ZBTB7C: variants seen among roughly 807,000 people sequenced by gnomAD.
The protein encoded by ZBTB7C is zinc finger and BTB domain containing 7C.
Under a neutral mutation model 25.7 loss-of-function variants are expected in ZBTB7C, and 8 were observed. The ratio of observed to expected loss-of-function variants is 0.31; its 90% CI spans 0.18 to 0.56. The LOEUF is 0.56. Among genes scored for constraint, ZBTB7C ranks in the 20% least tolerant of loss-of-function variants. ZBTB7C has a pLI of 0.91. For missense variants in ZBTB7C, 824 were observed against 855.2 expected (o/e 0.96, Z 0.46); for synonymous variants, 394 against 369.0 (o/e 1.07, Z -0.78).
At position 48,213,369 on chromosome 18, in the gene ZBTB7C, C is replaced by T. The variant is rs1014525632; in HGVS notation, c.-78-27374G>A. 7.2e-5 allele frequency among the ~76,000 whole-genome samples: 11 copies of T among 152,208 alleles called. No individual in the cohort carries two copies. The East Asian group carries it at 7.7e-4, about 11-fold the overall frequency. ...GCTGCAGAAGAACCTTTAGTGATGG[C>T]CCCAGTCACTCTTGAGCTGATGTTT... On this transcript the variant is annotated intron_variant, in intron 2 of 4. Coordinates refer to ENST00000590800, the MANE Select transcript of ZBTB7C (RefSeq NM_001318841.2).
chr18:48,310,934 C>A (rs1427690439), intron 2 of ZBTB7C, among the ~76,000 whole-genome samples: 1 of 152,220 alleles, frequency 6.6e-6, no homozygotes, highest in Non-Finnish European at 1.5e-5. Flanking sequence ...GTAACTGCCC[C>A]TCTATGTGAC....
At chr18:48,154,315 C>G (rs1248101707) in intron 3 of ZBTB7C, among the ~76,000 whole-genome samples, 1 of 152,168 alleles carries the variant, frequency 6.6e-6, no homozygotes, top group Non-Finnish European at 1.5e-5. Context: ...TGATCCAGAG[C>G]CTTAGGGATA....
At chr18:48,390,026 G>A (rs907209864) in intron 1 of ZBTB7C, among the ~76,000 whole-genome samples, 5 of 152,080 alleles carry the variant, frequency 3.3e-5, no homozygotes, top group Admixed American at 6.6e-5. Context: ...AGCTATGGCC[G>A]GCCATCCATA....
intron 2 of ZBTB7C, among the ~76,000 whole-genome samples, chr18:48,215,094 A>C (rs1201486180): frequency 1.3e-5 from 2 of 152,246 alleles, no homozygotes; most frequent in Non-Finnish European, 2.9e-5. Flanking sequence ...GATTAATGAT[A>C]AATCTCCTCC....
At chr18:48,287,948 T>A (rs527723371) in intron 2 of ZBTB7C, among the ~76,000 whole-genome samples, 1 of 152,338 alleles carries the variant, frequency 6.6e-6, no homozygotes, top group African/African-American at 2.4e-5. Flanking sequence ...GCAGCTACTA[T>A]GAAACTTAAC....
At chr18:48,039,445 C>T (rs2036117629) in intron 4 of ZBTB7C, among the ~76,000 whole-genome samples, 1 of 152,206 alleles carries the variant, frequency 6.6e-6, no homozygotes. Flanking sequence ...TAAGCATGTA[C>T]TTAAGGTGCC....
At chr18:48,213,091 G>C (rs1174746112) in intron 2 of ZBTB7C, among the ~76,000 whole-genome samples, 1 of 151,686 alleles carries the variant, frequency 6.6e-6, no homozygotes, top group African/African-American at 2.4e-5. Flanking sequence ...TTTCAGCGGG[G>C]GCAGTTCTCC....
At chr18:48,050,345 G>A (rs1017885967) in intron 3 of ZBTB7C, among the ~76,000 whole-genome samples, 2 of 152,150 alleles carry the variant, frequency 1.3e-5, no homozygotes, top group African/African-American at 4.8e-5. Context: ...CAGACATGTG[G>A]GCTGGGAGGC....
intron 3 of ZBTB7C, among the ~76,000 whole-genome samples, chr18:48,103,452 T>C (rs28649824): frequency 0.013 from 1,920 of 152,262 alleles, 49 homozygotes; most frequent in African/African-American, 0.044. Flanking sequence ...TTACACAACA[T>C]GGGTTTGAAT....
intron 3 of ZBTB7C, among the ~76,000 whole-genome samples, chr18:48,073,601 C>T (rs1040002621): frequency 4.6e-5 from 7 of 152,162 alleles, no homozygotes; most frequent in Non-Finnish European, 8.8e-5. Context: ...TGAGTTTGAA[C>T]AGGGAGAAGG....
chr18:48,163,357 T>G (rs969198557), intron 3 of ZBTB7C, among the ~76,000 whole-genome samples: 14 of 152,116 alleles, frequency 9.2e-5, no homozygotes, highest in African/African-American at 3.1e-4. Flanking sequence ...GCCCCTGAGC[T>G]CCTCCCTTCT....
chr18:48,194,234 C>G lies in ZBTB7C; in HGVS notation c.-78-8239G>C, dbSNP rs73431389. Among the ~76,000 whole-genome samples, 1,239 of 152,318 alleles carry G rather than the reference C, an allele frequency of 8.1e-3. 14 individuals carry two copies. Among genetic ancestry groups the G allele is most frequent in the African/African-American group, 0.027 (1,140 of 41,550 alleles). ...ACATTTTATTTTTTCTAGACTCAGG[C>G]AAGTACTCCTGGATTCCCCACCCTA... is the stretch of plus-strand genomic sequence containing the variant. On this transcript the variant is annotated intron_variant, in intron 2 of 4. Transcript: ENST00000590800.
rs572672791 is a variant in ZBTB7C at position 48,343,342 on chromosome 18, C to T, written c.-303-4944G>A. ...AGATTTGCCCTGTGTTTGTCCCCAC[C>T]ATGAACAGTGAGAGGAATTTGTCCC... is the stretch of plus-strand genomic sequence containing the variant. On this transcript the variant is annotated intron_variant, in intron 1 of 4. Coordinates refer to ENST00000590800, the MANE Select transcript of ZBTB7C (RefSeq NM_001318841.2). 1.9e-4 allele frequency among the ~76,000 whole-genome samples: 29 copies of T among 152,246 alleles called. 1 individual carries two copies. The highest frequency in any genetic ancestry group is 3.5e-4 in the Non-Finnish European group (24 of 68,024).
chr18:48,202,564 G>A (rs1263759896), intron 2 of ZBTB7C, among the ~76,000 whole-genome samples: 1 of 152,062 alleles, frequency 6.6e-6, no homozygotes, highest in Non-Finnish European at 1.5e-5. Context: ...AGCTAAACAT[G>A]CAAAGGAACC....
At chr18:48,196,357 C>G (rs561504732) in intron 2 of ZBTB7C, among the ~76,000 whole-genome samples, 2 of 152,158 alleles carry the variant, frequency 1.3e-5, no homozygotes, top group African/African-American at 2.4e-5. Context: ...AAGGATTTGG[C>G]AAACTAACTT....
At chr18:48,170,525 G>T (rs774154435) in intron 3 of ZBTB7C, among the ~76,000 whole-genome samples, 3 of 152,190 alleles carry the variant, frequency 2.0e-5, no homozygotes, top group African/African-American at 7.2e-5. Flanking sequence ...ACCAAACCCG[G>T]GGCAGCCTCA....
intron 3 of ZBTB7C, among the ~76,000 whole-genome samples, chr18:48,179,928 T>C (rs2041852485): frequency 7.7e-6 from 1 of 129,178 alleles, no homozygotes; most frequent in Non-Finnish European, 1.5e-5. Flanking sequence ...CTTCCTTCCT[T>C]CCCTGCTTCC....
At chr18:48,371,281 T>C (rs2047382618) in intron 1 of ZBTB7C, among the ~76,000 whole-genome samples, 1 of 152,152 alleles carries the variant, frequency 6.6e-6, no homozygotes, top group Admixed American at 6.5e-5. Flanking sequence ...TGTCCCCAGC[T>C]GAAAAAATAC....
chr18:48,368,806 A>AAAGAAAAGATTTATCCACCCAG (rs57505551), intron 1 of ZBTB7C, among the ~76,000 whole-genome samples: 1 of 151,970 alleles, frequency 6.6e-6, no homozygotes, highest in Non-Finnish European at 1.5e-5. Flanking sequence ...GTGTGAAAAG[A>AAAGAAAAGATTTATCCACCCAG]AATCCTATTT....
Sources: allele counts gnomAD v4.1 joint callset (sites outside exome capture counted in the v4.1 genomes callset), GRCh38; gene constraint gnomAD v4.1.1; transcripts MANE v1.5; gene names NCBI Gene and HGNC (gene_info 2026-07-23, HGNC 2026-07-21).